The following PIGG variants were observed in gnomAD, a reference collection of about 807,000 sequenced individuals.
The protein encoded by PIGG is phosphatidylinositol glycan anchor biosynthesis class G (EMM blood group).
In PIGG, 70 loss-of-function variants were observed where a neutral mutation model predicts 83.2. That is an observed-to-expected ratio of 0.84 (90% CI 0.69 to 1.03). PIGG has a LOEUF of 1.03. Among genes scored for constraint, PIGG ranks in the 50% least tolerant of loss-of-function variants. The probability of loss-of-function intolerance (pLI) is 0.00; values close to 1 mark genes in which losing one functional copy is unlikely to be tolerated. For missense variants in PIGG, 1,257 were observed against 1,233.6 expected, an observed-to-expected ratio of 1.02 and a Z score of -0.28; for synonymous variants, 532 against 519.5, an observed-to-expected ratio of 1.02 and a Z score of -0.33.
At chr4:527,396 T>A in intron 10 of PIGG, 166 bp downstream of exon 10, 1 of 1,365,162 alleles carries the variant, frequency 7.3e-7, no homozygotes, top group Non-Finnish European at 9.4e-7. Flanking sequence ...TGTCAACAGC[T>A]ACTGGAGTGT....
chr4:500,074 G>C (rs1717045921), intron 1 of PIGG: 1 of 310,902 alleles, frequency 3.2e-6, no homozygotes, highest in African/African-American at 2.2e-5. Flanking sequence ...CCATCCCGTA[G>C]CTGCAGCTCT....
rs1553880106 is a variant in PIGG, at chr4:507,418, T to A, written c.584T>A (p.Val195Asp). The change falls in exon 4 of 13, where the codon GTC becomes GAC. Residue 195 changes from valine (V) to aspartate (D), a missense_variant. Coordinates refer to ENST00000453061, the MANE Select transcript of PIGG (RefSeq NM_001127178.3). ...TCCCCTTCAAAGGTGGATAATAATG[T>A]CACGAGGCATTTGGATAAAGTATTA... ...VSDYTEVDNN[V>D]TRHLDKVLKR... 2 of 1,611,182 alleles carry A rather than the reference T, an allele frequency of 1.2e-6. No homozygotes were observed. The highest frequency in any genetic ancestry group is 2.7e-5 in the African/African-American group (2 of 74,866).
chr4:520,184 C>G (rs1330705919), intron 6 of PIGG, among the ~76,000 whole-genome samples: 2 of 152,238 alleles, frequency 1.3e-5, no homozygotes, highest in Non-Finnish European at 2.9e-5. Context: ...CCAAGAGGCA[C>G]AGCTGAGACC....
At chr4:499,758 T>G in intron 1 of PIGG, 1 of 1,312,348 alleles carries the variant, frequency 7.6e-7, no homozygotes, top group South Asian at 2.0e-5. Context: ...ATCCAGCCTC[T>G]CCACTTCTAC....
intron 12 of PIGG, among the ~76,000 whole-genome samples, chr4:537,624 C>T (rs866712888): frequency 1.3e-5 from 2 of 152,082 alleles, no homozygotes; most frequent in East Asian, 1.9e-4. Flanking sequence ...TTGGGGGACC[C>T]GCCTAAGGAG....
At chr4:519,400 T>C (rs1725036757) in intron 6 of PIGG, among the ~76,000 whole-genome samples, 2 of 152,242 alleles carry the variant, frequency 1.3e-5, no homozygotes, top group Non-Finnish European at 2.9e-5. Flanking sequence ...TGTGACTCTC[T>C]GATAGGCGGT....
intron 1 of PIGG, chr4:500,029 C>T (rs2108743553): frequency 7.6e-6 from 2 of 264,816 alleles, no homozygotes; most frequent in Admixed American, 5.0e-5. Context: ...CATCGCCAGC[C>T]GCTGACCATG....
chr4:511,342 A>G (rs1296502085), intron 5 of PIGG, among the ~76,000 whole-genome samples: 1 of 151,188 alleles, frequency 6.6e-6, no homozygotes, highest in Non-Finnish European at 1.5e-5. Flanking sequence ...TTTTGTTATT[A>G]AATAGTCTTC....
At chr4:502,628 T>C (rs1718157434) in intron 2 of PIGG, among the ~76,000 whole-genome samples, 2 of 152,152 alleles carry the variant, frequency 1.3e-5, no homozygotes, top group Admixed American at 1.3e-4. Context: ...CTGGCATTGA[T>C]TGACAGACCT....
At chr4:526,818 G>A in intron 9 of PIGG, 1 of 593,770 alleles carries the variant, frequency 1.7e-6, no homozygotes. Flanking sequence ...AAAGTGCTGG[G>A]ATTGCTGGTG....
intron 2 of PIGG, chr4:502,143 T>C (rs1473338131): frequency 6.6e-6 from 1 of 152,192 alleles, no homozygotes; most frequent in Non-Finnish European, 1.5e-5. Context: ...TTTGAGAAAA[T>C]GTATAAGTGA....
intron 10 of PIGG, among the ~76,000 whole-genome samples, chr4:529,053 A>G (rs933449135): frequency 1.5e-4 from 23 of 152,180 alleles, no homozygotes; most frequent in Admixed American, 1.2e-3. Flanking sequence ...TCCACTCAGA[A>G]GCCCAGGGAT....
At chr4:507,692 A>G in intron 4 of PIGG, 99 bp downstream of exon 4, 1 of 1,017,930 alleles carries the variant, frequency 9.8e-7, no homozygotes, top group South Asian at 1.6e-5. Context: ...GCCTGTGTGA[A>G]TGTCCACCAT....
chr4:538,818 G>C (rs546842183), intron 12 of PIGG, among the ~76,000 whole-genome samples: 2 of 151,938 alleles, frequency 1.3e-5, no homozygotes, highest in African/African-American at 2.4e-5. Flanking sequence ...AGGTGTGTGT[G>C]GGGGGGGACA....
At chr4:526,995 C>T (rs1429536147) in intron 9 of PIGG, 44 bp from the exon 10 acceptor site, 6 of 1,611,008 alleles carry the variant, frequency 3.7e-6, no homozygotes, top group African/African-American at 1.3e-5. Context: ...TTGATCTTGT[C>T]GCTGTTTGTT....
In PIGG at chr4:530,603, G is replaced by T; in HGVS notation, c.2429G>T (p.Arg810Ile). Residue 810 changes from arginine (R) to isoleucine (I), a missense_variant, in exon 11 of 13, where the codon AGA becomes ATA. Physicochemically the swap from Arg to Ile is moderately conservative, Grantham distance 97. Coordinates refer to ENST00000453061, the MANE Select transcript of PIGG (RefSeq NM_001127178.3). Reference sequence around the variant, plus strand: ...GTTCTTCTGGCAGCCTTGCTCTTTAGACCACATAATCTTCCGGTCTTAGCA... The same window carrying T: ...GTTCTTCTGGCAGCCTTGCTCTTTATACCACATAATCTTCCGGTCTTAGCA... Reference protein sequence around the residue: ...GLVLLAALLFRPHNLPVLAFS... With the variant: ...GLVLLAALLFIPHNLPVLAFS... The T allele has an allele frequency of 1.9e-6, 3 of 1,613,906 alleles. No individual in the cohort carries two copies. Among genetic ancestry groups the T allele is most frequent in the Non-Finnish European group, 1.7e-6 (2 of 1,179,862 alleles).
intron 2 of PIGG, among the ~76,000 whole-genome samples, chr4:503,533 T>G (rs1553877010): frequency 6.6e-6 from 1 of 152,200 alleles, no homozygotes; most frequent in Non-Finnish European, 1.5e-5. Context: ...CTTTGCAGTT[T>G]GCAGGTGTTT....
chr4:508,778 G>A, intron 4 of PIGG, 51 bp from the exon 5 acceptor site: 1 of 1,558,624 alleles, frequency 6.4e-7, no homozygotes, highest in South Asian at 1.1e-5. Flanking sequence ...TTAAGATGAT[G>A]TGCTCTCTTC....
chr4:527,656 G>A, intron 10 of PIGG: 1 of 989,542 alleles, frequency 1.0e-6, no homozygotes, highest in Non-Finnish European at 1.2e-6. Flanking sequence ...CCCAGCAGCT[G>A]GGAAATGAAG....
Sources: gnomAD v4.1 joint callset for allele counts (sites outside exome capture counted in the v4.1 genomes callset) on GRCh38, gnomAD v4.1.1 for gene constraint, MANE v1.5 for transcripts, NCBI Gene and HGNC (gene_info 2026-07-23, HGNC 2026-07-21) for gene names.